RAI14: variants seen among roughly 807,000 people sequenced by gnomAD.
RAI14 encodes the protein retinoic acid induced 14.
RAI14 carries 45 observed loss-of-function variants against 115.4 expected under a neutral mutation model. The ratio of observed to expected loss-of-function variants is 0.39; its 90% CI spans 0.31 to 0.50. RAI14 has a LOEUF of 0.50. Ranked by LOEUF, RAI14 falls within the 20% of genes least tolerant of loss-of-function variation. The pLI is 0.85. For missense variants in RAI14, 939 were observed against 1,131.2 expected, an observed-to-expected ratio of 0.83 and a Z score of 2.44; for synonymous variants, 371 against 415.4, an observed-to-expected ratio of 0.89 and a Z score of 1.30.
chr5:34,769,353 T>C (rs1040198294), intron 3 of RAI14, among the ~76,000 whole-genome samples: 19 of 152,200 alleles, frequency 1.2e-4, no homozygotes, highest in Non-Finnish European at 2.5e-4. Context: ...GAGTTAATTC[T>C]ACAGAGTAGA....
chr5:34,816,763 T>C (rs915632234), intron 12 of RAI14, among the ~76,000 whole-genome samples: 4 of 152,158 alleles, frequency 2.6e-5, no homozygotes, highest in African/African-American at 7.2e-5. Context: ...CAGATGAATT[T>C]CTATGTAAGA....
rs377363466 is a variant in RAI14 at position 34,673,386 on chromosome 5, C to T, written c.-48-13486C>T. On this transcript the variant is annotated intron_variant, in intron 1 of 17. Coordinates refer to ENST00000265109, the MANE Select transcript of RAI14 (RefSeq NM_015577.3). The stretch of plus-strand genomic sequence containing the variant: ...TGAATGATAAACATGCCCTCCTTAA[C>T]CTGCAGATTCAAAGGGGACATTGTA... Among the ~76,000 whole-genome samples, 164 of 152,318 alleles carry T rather than the reference C, an allele frequency of 1.1e-3. 9 individuals are homozygous for T. The South Asian group carries it at 0.033, about 31-fold the overall frequency.
At chr5:34,811,250 T>A in intron 8 of RAI14, 132 bp downstream of exon 8, 1 of 1,060,454 alleles carries the variant, frequency 9.4e-7, no homozygotes, top group Non-Finnish European at 1.3e-6. Flanking sequence ...TTTAAAGTTC[T>A]ACTGTTTCTG....
chr5:34,823,313 A>G lies in RAI14; in HGVS notation c.1471A>G (p.Lys491Glu). The G allele has an allele frequency of 6.2e-7, 1 of 1,614,036 alleles. No individual in the cohort carries two copies. The highest frequency in any genetic ancestry group is 8.5e-7 in the Non-Finnish European group (1 of 1,180,020). Reference protein sequence around the residue: ...LSQKLKETQSKYEEAMKEVLS... With the variant: ...LSQKLKETQSEYEEAMKEVLS... ...CCAGAAACTTAAAGAAACTCAGAGC[A>G]AATACGAGGAGGCTATGAAAGAAGT... The change falls in exon 15 of 18, where the codon AAA becomes GAA. Residue 491 changes from lysine (K) to glutamate (E), a missense_variant. Transcript: ENST00000265109. This position sits in a 1 kb window ranked among gnomAD's most constrained non-coding sequence, Gnocchi z 4.5.
chr5:34,744,361 T>G (rs1393201834), intron 2 of RAI14, among the ~76,000 whole-genome samples: 1 of 152,244 alleles, frequency 6.6e-6, no homozygotes, highest in Admixed American at 6.5e-5. Flanking sequence ...TTAAATGCTT[T>G]TGTGTAACTA....
At chr5:34,711,386 A>G (rs892641672) in intron 2 of RAI14, among the ~76,000 whole-genome samples, 1 of 152,212 alleles carries the variant, frequency 6.6e-6, no homozygotes, top group African/African-American at 2.4e-5. Context: ...GGGAAATTAT[A>G]AAGAACATTC....
chr5:34,677,445 C>T (rs1025737309), intron 1 of RAI14, among the ~76,000 whole-genome samples: 1 of 152,018 alleles, frequency 6.6e-6, no homozygotes, highest in African/African-American at 2.4e-5. Context: ...GCCACCACAC[C>T]TGGCCGTTTC....
chr5:34,776,659 T>C (rs922266185), intron 3 of RAI14, among the ~76,000 whole-genome samples: 2 of 151,224 alleles, frequency 1.3e-5, no homozygotes, highest in Non-Finnish European at 2.9e-5. Flanking sequence ...ATAGAAAAAT[T>C]AGATGGGCAT....
intron 2 of RAI14, among the ~76,000 whole-genome samples, chr5:34,733,683 G>T (rs1744477290): frequency 6.6e-6 from 1 of 152,166 alleles, no homozygotes; most frequent in Non-Finnish European, 1.5e-5. Context: ...TCTCATCTGG[G>T]ATCAACCTGT....
chr5:34,704,664 T>C (rs1007483383), intron 2 of RAI14, among the ~76,000 whole-genome samples: 2 of 151,838 alleles, frequency 1.3e-5, no homozygotes, highest in Admixed American at 1.3e-4. Flanking sequence ...CCCAGTTATA[T>C]ACTCCTATCT....
intron 2 of RAI14, among the ~76,000 whole-genome samples, chr5:34,733,892 A>G (rs1246255755): frequency 2.0e-5 from 3 of 151,768 alleles, no homozygotes; most frequent in East Asian, 3.9e-4. Flanking sequence ...CCCTCCTACT[A>G]CTGCAGGGGT....
chr5:34,746,651 C>T (rs945254745), intron 2 of RAI14, among the ~76,000 whole-genome samples: 3 of 151,682 alleles, frequency 2.0e-5, no homozygotes, highest in African/African-American at 4.8e-5. Flanking sequence ...GGGATCTGCC[C>T]GCCTCAGCCT....
intron 1 of RAI14, among the ~76,000 whole-genome samples, chr5:34,673,067 G>A (rs1579869693): frequency 6.6e-6 from 1 of 152,120 alleles, no homozygotes; most frequent in Non-Finnish European, 1.5e-5. Context: ...CTTAGACCCA[G>A]CTGTTACAGT....
At chr5:34,796,334 G>T (rs1364654484) in intron 4 of RAI14, among the ~76,000 whole-genome samples, 1 of 150,992 alleles carries the variant, frequency 6.6e-6, no homozygotes, top group Admixed American at 6.6e-5. Context: ...GGAGGCGGAG[G>T]TTGCAGTGAG....
At chr5:34,721,812 G>A (rs2149997276) in intron 2 of RAI14, among the ~76,000 whole-genome samples, 1 of 152,254 alleles carries the variant, frequency 6.6e-6, no homozygotes, top group East Asian at 1.9e-4. Flanking sequence ...CTGGGTTCAA[G>A]CGGTTCTCCT....
Position 34,827,786 on chromosome 5 carries a change from T to C in RAI14, c.2799+1307T>C, listed in dbSNP as rs952353373. Reference sequence around the variant, plus strand: ...AACATGTGTTTGTTGAGCTCTTACATCAGTATTATACATGGGGCTGATGAT... The same window carrying C: ...AACATGTGTTTGTTGAGCTCTTACACCAGTATTATACATGGGGCTGATGAT... On this transcript the variant is annotated intron_variant, in intron 16 of 17. Transcript: ENST00000265109. This position sits in a 1 kb window ranked among gnomAD's most constrained non-coding sequence, Gnocchi z 4.2. 6.6e-6 allele frequency among the ~76,000 whole-genome samples: 1 copy of C among 152,214 alleles called. No individual in the cohort carries two copies. Among genetic ancestry groups the C allele is most frequent in the Non-Finnish European group, 1.5e-5 (1 of 68,034 alleles).
At chr5:34,762,306 T>G (rs1425953476) in intron 3 of RAI14, among the ~76,000 whole-genome samples, 1 of 152,142 alleles carries the variant, frequency 6.6e-6, no homozygotes, top group Non-Finnish European at 1.5e-5. Context: ...ACTCAACCTT[T>G]ACCACCTAGA....
intron 2 of RAI14, among the ~76,000 whole-genome samples, chr5:34,699,550 T>G (rs1739775212): frequency 1.3e-5 from 2 of 152,228 alleles, no homozygotes; most frequent in Non-Finnish European, 2.9e-5. Context: ...CTCAGTTGTA[T>G]GGGAGTAGGG....
At chr5:34,706,782 T>G (rs1011236965) in intron 2 of RAI14, among the ~76,000 whole-genome samples, 29 of 152,212 alleles carry the variant, frequency 1.9e-4, no homozygotes, top group African/African-American at 6.8e-4. Context: ...ACTTGTGCCC[T>G]TTTTGTATAT....
Sources: allele counts gnomAD v4.1 joint callset (sites outside exome capture counted in the v4.1 genomes callset), GRCh38; gene constraint gnomAD v4.1.1; non-coding constraint Gnocchi (gnomAD v3.1); transcripts MANE v1.5; gene names NCBI Gene and HGNC (gene_info 2026-07-23, HGNC 2026-07-21).